Variants in TMEM236 observed in about 807,000 individuals in gnomAD.
TMEM236 encodes family with sequence similarity 23, member A.
A neutral mutation model predicts 14.7 loss-of-function variants in TMEM236; 11 were observed. The observed-to-expected ratio is 0.75, with a 90% CI of 0.47 to 1.24. The LOEUF is 1.24. Ranked by LOEUF, TMEM236 falls within the 50% of genes most tolerant of loss-of-function variation. TMEM236 has a pLI of 0.00. For synonymous variants in TMEM236, 182 were observed against 168.6 expected (o/e 1.08, Z -0.62); for missense variants, 464 against 427.3 (o/e 1.09, Z -0.76).
At chr10:17,793,685 A>G (rs1278772474) in intron 3 of TMEM236, among the ~76,000 whole-genome samples, 3 of 151,934 alleles carry the variant, frequency 2.0e-5, no homozygotes, top group Non-Finnish European at 2.9e-5. Flanking sequence ...GGGTTTCACC[A>G]TTGGCCAGGC....
At chr10:17,762,630 T>TACATAC (rs1351799250) in intron 1 of TMEM236, among the ~76,000 whole-genome samples, 1,433 of 81,136 alleles carry the variant, frequency 0.018, 64 homozygotes, top group African/African-American at 0.097. Flanking sequence ...CACACATACA[T>TACATAC]ATATATATAT....
At chr10:17,782,955 C>T (rs1449213610) in intron 3 of TMEM236, among the ~76,000 whole-genome samples, 1 of 152,180 alleles carries the variant, frequency 6.6e-6, no homozygotes, top group Admixed American at 6.5e-5. Flanking sequence ...GGTTAGAATG[C>T]CTGAGGCGAT....
At chr10:17,765,571 A>G (rs1837449340) in intron 1 of TMEM236, among the ~76,000 whole-genome samples, 1 of 152,286 alleles carries the variant, frequency 6.6e-6, no homozygotes, top group East Asian at 1.9e-4. Flanking sequence ...CCCACATACA[A>G]TGGTGGAGCA....
intron 3 of TMEM236, among the ~76,000 whole-genome samples, chr10:17,785,323 T>A (rs1837816491): frequency 6.6e-6 from 1 of 152,180 alleles, no homozygotes; most frequent in Admixed American, 6.5e-5. Context: ...ACCTGGCATC[T>A]GTAATTTTTT....
rs551624529 is a variant in TMEM236, at chr10:17,768,391, A to G, written c.258-2918A>G. On this transcript the variant is annotated intron_variant, in intron 1 of 3. Coordinates refer to ENST00000377495, the MANE Select transcript of TMEM236 (RefSeq NM_001098844.3). ...TTTAAAAAAGAACCATAAACTGTAT[A>G]CAATTTTTTTAAAAAAGACTTTAGG... Among the ~76,000 whole-genome samples the G allele has an allele frequency of 2.0e-3, 307 of 152,282 alleles. 1 individual carries two copies. Among genetic ancestry groups the G allele is most frequent in the African/African-American group, 6.9e-3 (287 of 41,542 alleles).
At chr10:17,768,879 T>A (rs964144341) in intron 1 of TMEM236, among the ~76,000 whole-genome samples, 2 of 152,118 alleles carry the variant, frequency 1.3e-5, no homozygotes, top group African/African-American at 2.4e-5. Flanking sequence ...ACATTGTGTG[T>A]TCATCAAAGA....
chr10:17,783,332 G>A (rs929646417), intron 3 of TMEM236, among the ~76,000 whole-genome samples: 24 of 152,180 alleles, frequency 1.6e-4, no homozygotes, highest in Non-Finnish European at 2.9e-4. Context: ...GGGTTTGGCT[G>A]CATTAGGGAG....
intron 3 of TMEM236, among the ~76,000 whole-genome samples, chr10:17,786,758 T>G (rs1415997880): frequency 6.6e-6 from 1 of 152,224 alleles, no homozygotes; most frequent in Non-Finnish European, 1.5e-5. Flanking sequence ...ATGGTTTGGC[T>G]GTGTCGCCAC....
Position 17,796,465 on chromosome 10 carries a change from A to C in TMEM236, c.1017A>C (p.Arg339Ser). ...ACATTTACTTCAATTACCTAACCAG[A>C]ATCAGGATTTTTTCTGCCTTTGAAA... ...LSYIYFNYLT[R>S]IRIFSAFEMS... Residue 339 changes from arginine to serine, a missense_variant, in exon 4 of 4, where the codon AGA becomes AGC. Transcript: ENST00000377495. 1 of 1,613,646 alleles carries C rather than the reference A, an allele frequency of 6.2e-7. No homozygotes were observed. The highest frequency in any genetic ancestry group is 8.5e-7 in the Non-Finnish European group (1 of 1,179,816).
chr10:17,759,937 A>C (rs979850909), intron 1 of TMEM236, among the ~76,000 whole-genome samples: 11 of 136,576 alleles, frequency 8.1e-5, no homozygotes, highest in African/African-American at 2.7e-4. Flanking sequence ...GAGCCGAGAT[A>C]GCGCCGCTGC....
At chr10:17,787,390 A>G (rs1029501085) in intron 3 of TMEM236, among the ~76,000 whole-genome samples, 7 of 152,224 alleles carry the variant, frequency 4.6e-5, no homozygotes, top group South Asian at 2.1e-4. Flanking sequence ...AGTGGAATCA[A>G]TCGTCATGGC....
In TMEM236 at chr10:17,796,306, C is replaced by T; in HGVS notation, c.858C>T (p.Asn286=). ...TTCGAATTACATTCACTCCCCAAAA[C>T]CCTCTTCTCAATTCCCTGAGCGTCC... ...SLLRITFTPQ[N]PLLNSLSVLL... is the part of the protein sequence containing the mutation. Residue 286 remains asparagine, a synonymous_variant, in exon 4 of 4, where the codon AAC becomes AAT. Transcript: ENST00000377495. 1 of 1,613,914 alleles carries T rather than the reference C, an allele frequency of 6.2e-7. No individual in the cohort carries two copies. Among genetic ancestry groups the T allele is most frequent in the Non-Finnish European group, 8.5e-7 (1 of 1,179,854 alleles).
chr10:17,768,651 G>A lies in TMEM236; in HGVS notation c.258-2658G>A, dbSNP rs1837515039. Among the ~76,000 whole-genome samples, 4 of 151,956 alleles carry A rather than the reference G, an allele frequency of 2.6e-5. No individual in the cohort carries two copies. The South Asian group carries it at 8.3e-4, about 32-fold the overall frequency. On this transcript the variant is annotated intron_variant, in intron 1 of 3. Coordinates refer to ENST00000377495, the MANE Select transcript of TMEM236 (RefSeq NM_001098844.3). Reference sequence around the variant, plus strand: ...CCACAGAACTTACCTCGGGGGATGAGGAAAGAGGAAGATGACAAACAATAA... The same window carrying A: ...CCACAGAACTTACCTCGGGGGATGAAGAAAGAGGAAGATGACAAACAATAA...
Position 17,795,904 on chromosome 10 carries a change from A to G in TMEM236, c.473-17A>G. The G allele has an allele frequency of 6.2e-7, 1 of 1,612,386 alleles. No individual in the cohort carries two copies. The highest frequency in any genetic ancestry group is 1.7e-4 in the Middle Eastern group (1 of 6,054). On this transcript the variant is annotated splice_polypyrimidine_tract_variant and intron_variant, in intron 3 of 3. Transcript: ENST00000377495. ...ACATTTTAAAAACTAAAATGTAAATAAATCTGTTAATTGCAGGTAGTGAAA... is the reference window on the plus strand; with the variant it reads ...ACATTTTAAAAACTAAAATGTAAATGAATCTGTTAATTGCAGGTAGTGAAA...
At chr10:17,760,260 C>CA (rs1837341674) in intron 1 of TMEM236, among the ~76,000 whole-genome samples, 1 of 152,020 alleles carries the variant, frequency 6.6e-6, no homozygotes, top group Non-Finnish European at 1.5e-5. Flanking sequence ...CCATGTTTAA[C>CA]ATTTTCTCAT....
intron 3 of TMEM236, 37 bp downstream of exon 3, chr10:17,776,207 T>G: frequency 6.3e-7 from 1 of 1,588,614 alleles, no homozygotes; most frequent in Non-Finnish European, 8.6e-7. Flanking sequence ...TTTTTAAAGT[T>G]TGATATATTT....
intron 1 of TMEM236, among the ~76,000 whole-genome samples, chr10:17,768,317 T>A (rs797039401): frequency 0.053 from 8,081 of 152,082 alleles, 371 homozygotes; most frequent in East Asian, 0.21. Context: ...TTAAATTGTT[T>A]CTCATCCAAG....
chr10:17,774,886 C>T (rs1837634926), intron 2 of TMEM236, among the ~76,000 whole-genome samples: 1 of 151,696 alleles, frequency 6.6e-6, no homozygotes, highest in East Asian at 1.9e-4. Context: ...CGACCTCTGC[C>T]TCCTGGGTTC....
intron 3 of TMEM236, among the ~76,000 whole-genome samples, chr10:17,776,627 A>T (rs1837661973): frequency 6.6e-6 from 1 of 152,182 alleles, no homozygotes; most frequent in African/African-American, 2.4e-5. Context: ...AAAATGCCAA[A>T]GATCACACTA....
Sources: allele counts gnomAD v4.1 joint callset (sites outside exome capture counted in the v4.1 genomes callset), GRCh38; gene constraint gnomAD v4.1.1; transcripts MANE v1.5; gene names NCBI Gene and HGNC (gene_info 2026-07-23, HGNC 2026-07-21).